RAPGEF5: variants seen among roughly 807,000 people sequenced by gnomAD.
RAPGEF5 encodes the protein Rap guanine nucleotide exchange factor 5.
Under a neutral mutation model 125.2 loss-of-function variants are expected in RAPGEF5, and 65 were observed. That is an observed-to-expected ratio of 0.52 (90% CI 0.43 to 0.64). The LOEUF (loss-of-function observed/expected upper bound fraction) is 0.64. RAPGEF5 is among the 30% of genes least tolerant of loss of function. RAPGEF5 has a pLI of 0.00. For synonymous variants in RAPGEF5, 391 were observed against 385.9 expected (o/e 1.01, Z -0.16); for missense variants, 958 against 1,048.1 (o/e 0.91, Z 1.19).
At chr7:22,162,901 A>G (rs1784052064) in intron 12 of RAPGEF5, 1 of 464,804 alleles carries the variant, frequency 2.2e-6, no homozygotes, top group Non-Finnish European at 4.3e-6. Context: ...ACAGGTGAAT[A>G]CTATTTCAAT....
chr7:22,176,723 G>A (rs1784520064), intron 11 of RAPGEF5, among the ~76,000 whole-genome samples: 1 of 152,068 alleles, frequency 6.6e-6, no homozygotes, highest in African/African-American at 2.4e-5. Flanking sequence ...CAGAGGTGGG[G>A]TTTTACCATG....
At chr7:22,281,841 G>A (rs868758628) in intron 6 of RAPGEF5, among the ~76,000 whole-genome samples, 3 of 152,062 alleles carry the variant, frequency 2.0e-5, no homozygotes, top group Non-Finnish European at 4.4e-5. Flanking sequence ...AGCCTCACTG[G>A]CTATTTCTGT....
At chr7:22,212,316 A>AG (rs1351181432) in intron 9 of RAPGEF5, among the ~76,000 whole-genome samples, 4 of 151,290 alleles carry the variant, frequency 2.6e-5, no homozygotes, top group African/African-American at 9.7e-5. Context: ...ATCCCTCCTC[A>AG]CTTTTCATAG....
intron 1 of RAPGEF5, among the ~76,000 whole-genome samples, chr7:22,326,872 T>C (rs1472315814): frequency 5.9e-5 from 9 of 152,218 alleles, no homozygotes; most frequent in Non-Finnish European, 1.5e-5. Flanking sequence ...CGTTAAGTGC[T>C]CTTACCACAA....
At chr7:22,141,175 A>T (rs903126784) in intron 20 of RAPGEF5, among the ~76,000 whole-genome samples, 5 of 152,244 alleles carry the variant, frequency 3.3e-5, no homozygotes, top group Non-Finnish European at 5.9e-5. Context: ...TTTTATCAAA[A>T]GAGCATATTA....
chr7:22,131,037 C>T lies in RAPGEF5; in HGVS notation c.2481G>A (p.Leu827=), dbSNP rs1172416837. The T allele has an allele frequency of 6.5e-7, 1 of 1,540,698 alleles. No homozygotes were observed. Among genetic ancestry groups the T allele is most frequent in the Non-Finnish European group, 8.8e-7 (1 of 1,141,936 alleles). ...GGGAGAAGTAATGAAATTTACGTAC[C>T]AGCTTTTCAAAATTGACAAGATTAT... The part of the protein sequence containing the change: ...FLDNLVNFEK[L]HMIADTVRTL... Residue 827 remains leucine, a splice_region_variant and synonymous_variant, in exon 24 of 26, where the codon CTG becomes CTA. Coordinates refer to ENST00000665637, the MANE Select transcript of RAPGEF5 (RefSeq NM_012294.5).
chr7:22,350,455 T>A (rs1397523073), intron 1 of RAPGEF5, among the ~76,000 whole-genome samples: 2 of 152,230 alleles, frequency 1.3e-5, no homozygotes, highest in African/African-American at 4.8e-5. Context: ...AGAGTAAGCA[T>A]CCTGCCAGGG....
At chr7:22,172,899 C>T (rs1784392695) in intron 11 of RAPGEF5, among the ~76,000 whole-genome samples, 2 of 152,060 alleles carry the variant, frequency 1.3e-5, no homozygotes, top group South Asian at 4.1e-4. Context: ...AGTGAATTAC[C>T]AAGAAAGCAA....
At chr7:22,237,362 GT>G (rs34763788) in intron 7 of RAPGEF5, among the ~76,000 whole-genome samples, 11,175 of 126,740 alleles carry the variant, frequency 0.088, 491 homozygotes, top group Middle Eastern at 0.12. Context: ...TGTTGTTGCT[GT>G]TTTTTTTTTT....
At chr7:22,245,385 T>C (rs893881180) in intron 7 of RAPGEF5, among the ~76,000 whole-genome samples, 1 of 152,216 alleles carries the variant, frequency 6.6e-6, no homozygotes, top group African/African-American at 2.4e-5. Context: ...AAAATCATTG[T>C]CTAGACCAAT....
At chr7:22,262,388 C>G (rs1209232826) in intron 7 of RAPGEF5, among the ~76,000 whole-genome samples, 1 of 152,026 alleles carries the variant, frequency 6.6e-6, no homozygotes, top group Non-Finnish European at 1.5e-5. Flanking sequence ...ATCAGAATGG[C>G]TAAAATTAAA....
At chr7:22,153,312 T>G (rs1377264914) in intron 17 of RAPGEF5, among the ~76,000 whole-genome samples, 1 of 152,182 alleles carries the variant, frequency 6.6e-6, no homozygotes, top group Non-Finnish European at 1.5e-5. Context: ...CACTTGAAAA[T>G]TAAACATAAC....
At chr7:22,253,274 G>C (rs1786669973) in intron 7 of RAPGEF5, among the ~76,000 whole-genome samples, 1 of 152,148 alleles carries the variant, frequency 6.6e-6, no homozygotes, top group Non-Finnish European at 1.5e-5. Flanking sequence ...CTTTCCTCTT[G>C]GCTGACAAAT....
intron 7 of RAPGEF5, among the ~76,000 whole-genome samples, chr7:22,264,510 C>T (rs534310669): frequency 6.6e-6 from 1 of 152,280 alleles, no homozygotes; most frequent in East Asian, 1.9e-4. Flanking sequence ...GCTTGCTCAT[C>T]TTCATCTCCC....
intron 6 of RAPGEF5, among the ~76,000 whole-genome samples, chr7:22,288,703 T>C (rs1179278069): frequency 1.3e-5 from 2 of 152,076 alleles, no homozygotes; most frequent in African/African-American, 4.8e-5. Flanking sequence ...TTTGTATTTT[T>C]AGTAGAGATG....
At chr7:22,354,883 G>A (rs1347891222) in intron 1 of RAPGEF5, among the ~76,000 whole-genome samples, 2 of 152,170 alleles carry the variant, frequency 1.3e-5, no homozygotes, top group Admixed American at 1.3e-4. Flanking sequence ...AAACCACCCA[G>A]TCTACGGTAT....
In RAPGEF5 at chr7:22,308,498, T is replaced by G; in HGVS notation, c.521A>C (p.His174Pro). The stretch of plus-strand genomic sequence containing the variant: ...AACATAAGTATCTTGAAAGTATAGA[T>G]GCTGGTCCACTGTTTGAAACAAAAA... ...DMGIMLSVDQ[H>P]LYFQDTYVFY... Residue 174 changes from histidine to proline, a missense_variant, in exon 5 of 26, where the codon CAT becomes CCT. Transcript: ENST00000665637. 6.5e-7 allele frequency: 1 copy of G among 1,547,630 alleles called. No individual in the cohort carries two copies. Among genetic ancestry groups the G allele is most frequent in the Non-Finnish European group, 8.7e-7 (1 of 1,144,554 alleles).
chr7:22,242,807 C>T (rs998003333), intron 7 of RAPGEF5, among the ~76,000 whole-genome samples: 13 of 151,762 alleles, frequency 8.6e-5, no homozygotes, highest in Non-Finnish European at 1.5e-4. Flanking sequence ...CAAAACTGGC[C>T]GGGCATGGTT....
At chr7:22,264,586 A>G (rs1782237706) in intron 7 of RAPGEF5, among the ~76,000 whole-genome samples, 1 of 152,142 alleles carries the variant, frequency 6.6e-6, no homozygotes, top group African/African-American at 2.4e-5. Context: ...AGCCTCATTC[A>G]CTTGCCTCCT....
Sources: allele counts gnomAD v4.1 joint callset (sites outside exome capture counted in the v4.1 genomes callset), GRCh38; gene constraint gnomAD v4.1.1; transcripts MANE v1.5; gene names NCBI Gene and HGNC (gene_info 2026-07-23, HGNC 2026-07-21).